MELK: variants seen among roughly 807,000 people sequenced by gnomAD.
MELK encodes pEg3 kinase.
MELK carries 81 observed loss-of-function variants against 85.0 expected under a neutral mutation model. The observed-to-expected ratio is 0.95, with a 90% CI of 0.80 to 1.15. MELK has a LOEUF of 1.15. Ranked by LOEUF, MELK falls within the 50% of genes most tolerant of loss-of-function variation. The probability of loss-of-function intolerance (pLI) is 0.00; values close to 1 mark genes in which losing one functional copy is unlikely to be tolerated. For missense variants in MELK, 754 were observed against 777.5 expected (o/e 0.97, Z 0.36); for synonymous variants, 252 against 265.0 (o/e 0.95, Z 0.48).
intron 6 of MELK, among the ~76,000 whole-genome samples, chr9:36,599,004 A>ATTAT (rs1250617354): frequency 1.3e-5 from 2 of 152,124 alleles, no homozygotes; most frequent in Non-Finnish European, 2.9e-5. Context: ...TGCTCAAATA[A>ATTAT]TTTTTATCGG....
intron 12 of MELK, among the ~76,000 whole-genome samples, chr9:36,655,885 A>G (rs1273041116): frequency 6.6e-6 from 1 of 152,172 alleles, no homozygotes; most frequent in East Asian, 1.9e-4. Context: ...GTCTGTTTGA[A>G]TAGTCTAGGT....
intron 2 of MELK, 58 bp downstream of exon 2, chr9:36,581,797 T>C: frequency 1.4e-6 from 2 of 1,408,544 alleles, no homozygotes; most frequent in Non-Finnish European, 9.9e-7. Flanking sequence ...GAGTATAGAT[T>C]ATTTGGGTAG....
At chr9:36,588,339 G>GGATT (rs1202925758) in intron 3 of MELK, among the ~76,000 whole-genome samples, 2 of 149,580 alleles carry the variant, frequency 1.3e-5, no homozygotes, top group African/African-American at 5.1e-5. Flanking sequence ...CAAAGTGCTG[G>GGATT]GATTACAGGC....
At chr9:36,603,925 A>T (rs1825182224) in intron 7 of MELK, among the ~76,000 whole-genome samples, 1 of 151,532 alleles carries the variant, frequency 6.6e-6, no homozygotes, top group Non-Finnish European at 1.5e-5. Flanking sequence ...TTTAAGTTTA[A>T]CCCTAGACAT....
chr9:36,621,300 A>AAAAAAAAC, intron 8 of MELK, among the ~76,000 whole-genome samples: 1 of 121,964 alleles, frequency 8.2e-6, no homozygotes, highest in Non-Finnish European at 1.6e-5. Flanking sequence ...AAAAAAAAAA[A>AAAAAAAAC]AAAAAAAAAA....
chr9:36,607,290 T>A (rs1825651130), intron 7 of MELK, among the ~76,000 whole-genome samples: 1 of 152,188 alleles, frequency 6.6e-6, no homozygotes, highest in Admixed American at 6.5e-5. Context: ...CAGCCCAGCC[T>A]ACTGGAAATT....
At chr9:36,651,336 C>T (rs1830678855) in intron 11 of MELK, among the ~76,000 whole-genome samples, 1 of 152,114 alleles carries the variant, frequency 6.6e-6, no homozygotes, top group Non-Finnish European at 1.5e-5. Flanking sequence ...CAAATATTAA[C>T]TTAGCTAAAC....
chr9:36,664,780 C>A (rs1357842687), intron 13 of MELK, among the ~76,000 whole-genome samples: 2 of 152,156 alleles, frequency 1.3e-5, no homozygotes, highest in African/African-American at 4.8e-5. Flanking sequence ...GAAACACATG[C>A]TATAGGTTAT....
chr9:36,599,516 A>G lies in MELK; in HGVS notation c.567+30A>G, dbSNP rs201124066. The G allele has an allele frequency of 9.8e-5, 151 of 1,540,852 alleles. No homozygotes were observed. In the East Asian group the frequency reaches 3.3e-3, roughly 34 times the overall value. The stretch of plus-strand genomic sequence containing the variant: ...TTATTCATTGATTAATTCATTATAT[A>G]ATCAGCAGACATTTATATTGGTCAC... On this transcript the variant is annotated intron_variant, in intron 7 of 17. Transcript: ENST00000298048.
Position 36,607,663 on chromosome 9 carries a change from A to G in MELK, c.656A>G (p.Lys219Arg), listed in dbSNP as rs35142210. The G allele has an allele frequency of 4.2e-3, 6,776 of 1,596,908 alleles. 141 individuals carry two copies. The East Asian group carries it at 0.075, about 18-fold the overall frequency. Residue 219 changes from lysine to arginine, a missense_variant, in exon 8 of 18, where the codon AAG (lysine) becomes AGG (arginine). Transcript: ENST00000298048. The part of the protein sequence containing the change: ...FDDDNVMALY[K>R]KIMRGKYDVP... ...GATGATAATGTAATGGCTTTATACA[A>G]GAAGATTATGGTGAGTATTACAAGG...
At chr9:36,594,032 T>C (rs1823924333) in intron 4 of MELK, among the ~76,000 whole-genome samples, 1 of 152,164 alleles carries the variant, frequency 6.6e-6, no homozygotes, top group Non-Finnish European at 1.5e-5. Context: ...AATGTGGAAC[T>C]GTGAGGTCAA....
chr9:36,666,652 A>G (rs1832361531), intron 14 of MELK, among the ~76,000 whole-genome samples: 1 of 152,190 alleles, frequency 6.6e-6, no homozygotes, highest in Non-Finnish European at 1.5e-5. Context: ...ACATCCTGCC[A>G]TTGTGCTTCT....
intron 12 of MELK, among the ~76,000 whole-genome samples, chr9:36,653,163 T>C (rs1830881181): frequency 6.6e-6 from 1 of 152,220 alleles, no homozygotes; most frequent in Admixed American, 6.5e-5. Context: ...GTTTTATTTT[T>C]TGAAACAAAG....
At chr9:36,593,218 C>T (rs111943552) in intron 4 of MELK, among the ~76,000 whole-genome samples, 11 of 148,056 alleles carry the variant, frequency 7.4e-5, no homozygotes, top group African/African-American at 2.8e-4. Flanking sequence ...AATTCCATTC[C>T]GTGTCATAGT....
intron 16 of MELK, among the ~76,000 whole-genome samples, chr9:36,673,718 C>T (rs948856523): frequency 5.3e-5 from 8 of 152,282 alleles, no homozygotes; most frequent in African/African-American, 1.7e-4. Context: ...CCACTACACC[C>T]GGCCAACTGT....
chr9:36,630,002 GA>G (rs1828368817), intron 8 of MELK: 1 of 221,492 alleles, frequency 4.5e-6, no homozygotes, highest in African/African-American at 2.3e-5. Flanking sequence ...CTGCCACCAC[GA>G]CTGACTAATT....
chr9:36,587,612 C>G (rs559137641), intron 3 of MELK, among the ~76,000 whole-genome samples: 4 of 137,202 alleles, frequency 2.9e-5, no homozygotes, highest in South Asian at 2.7e-4. Context: ...ACTGTAGAGC[C>G]CCCCCGCCTT....
chr9:36,670,727 C>T (rs1193246860), intron 15 of MELK, among the ~76,000 whole-genome samples: 1 of 151,176 alleles, frequency 6.6e-6, no homozygotes, highest in Non-Finnish European at 1.5e-5. Flanking sequence ...TTGAACTTTT[C>T]TATATATATG....
At chr9:36,629,303 T>C (rs1828276894) in intron 8 of MELK, among the ~76,000 whole-genome samples, 1 of 152,210 alleles carries the variant, frequency 6.6e-6, no homozygotes, top group Admixed American at 6.5e-5. Flanking sequence ...TGAGAAACTG[T>C]TGTATTGCTT....
Sources: gnomAD v4.1 joint callset for allele counts (sites outside exome capture counted in the v4.1 genomes callset) on GRCh38, gnomAD v4.1.1 for gene constraint, MANE v1.5 for transcripts, NCBI Gene and HGNC (gene_info 2026-07-23, HGNC 2026-07-21) for gene names.